URI1: variants seen among roughly 807,000 people sequenced by gnomAD.
The protein encoded by URI1 is unconventional prefoldin RPB5 interactor 1.
Under a neutral mutation model 60.2 loss-of-function variants are expected in URI1, and 39 were observed. The observed-to-expected ratio is 0.65, with a 90% CI of 0.50 to 0.85. The LOEUF is 0.85. Ranked by LOEUF, URI1 falls within the 40% of genes least tolerant of loss-of-function variation. The pLI is 0.00. For synonymous variants in URI1, 251 were observed against 236.8 expected (o/e 1.06, Z -0.55); for missense variants, 691 against 665.9 (o/e 1.04, Z -0.42).
At chr19:29,965,500 A>G (rs765758327) in intron 1 of URI1, among the ~76,000 whole-genome samples, 4 of 152,236 alleles carry the variant, frequency 2.6e-5, no homozygotes, top group Non-Finnish European at 4.4e-5. Context: ...TGGCATATTC[A>G]TTGTTGACAA....
chr19:30,003,389 G>T (rs1298585164), intron 4 of URI1, among the ~76,000 whole-genome samples: 1 of 151,942 alleles, frequency 6.6e-6, no homozygotes, highest in East Asian at 1.9e-4. Context: ...TGACGGTGTT[G>T]GTGCTTATCA....
intron 3 of URI1, among the ~76,000 whole-genome samples, chr19:29,985,757 G>C (rs1441817602): frequency 6.6e-6 from 1 of 152,096 alleles, no homozygotes; most frequent in Admixed American, 6.5e-5. Flanking sequence ...CCCTGGATTA[G>C]AGCCTTTCAT....
rs140356183 is a variant in URI1, at chr19:29,977,706, C to T, written c.152+6479C>T. On this transcript the variant is annotated intron_variant, in intron 2 of 10. Coordinates refer to ENST00000392271, the MANE Select transcript of URI1 (RefSeq NM_003796.3). ...AAGAATCATATATGTCAAATCTTGT[C>T]ATTAAGTTTCTGCACAGTTTTAAAA... Among the ~76,000 whole-genome samples, 572 of 151,578 alleles carry T rather than the reference C, an allele frequency of 3.8e-3. 3 individuals are homozygous for T. The highest frequency in any genetic ancestry group is 0.013 in the African/African-American group (556 of 41,398).
At chr19:29,994,690 G>A (rs976063631) in intron 4 of URI1, among the ~76,000 whole-genome samples, 8 of 151,942 alleles carry the variant, frequency 5.3e-5, no homozygotes, top group Non-Finnish European at 1.0e-4. Context: ...TATGAATATA[G>A]GTATACAAAT....
intron 4 of URI1, among the ~76,000 whole-genome samples, chr19:29,988,706 T>C (rs2055704896): frequency 6.6e-6 from 1 of 152,238 alleles, no homozygotes; most frequent in South Asian, 2.1e-4. Context: ...ATTTGGGTGC[T>C]TCCATTTTTT....
rs181041456 is a variant in URI1 at position 29,945,200 on chromosome 19, A to G, written c.117+2536A>G. Among the ~76,000 whole-genome samples the G allele has an allele frequency of 1.4e-3, 218 of 152,358 alleles. 1 individual carries two copies. The highest frequency in any genetic ancestry group is 5.0e-3 in the African/African-American group (209 of 41,588). Reference sequence around the variant, plus strand: ...TACCTACCTAGTTGGCTGTAGATGCAGAGAGAGAAATGAGTTCCTTACACA... The same window carrying G: ...TACCTACCTAGTTGGCTGTAGATGCGGAGAGAGAAATGAGTTCCTTACACA... On this transcript the variant is annotated intron_variant, in intron 1 of 10. Transcript: ENST00000392271.
At chr19:29,933,568 C>T (rs548342512) in intron 1 of URI1, among the ~76,000 whole-genome samples, 76 of 152,150 alleles carry the variant, frequency 5.0e-4, no homozygotes, top group Admixed American at 1.4e-3. Context: ...CTCCTGTAAT[C>T]CTAGCACTTT....
chr19:29,972,977 G>C (rs1006921539), intron 2 of URI1, among the ~76,000 whole-genome samples: 3 of 151,988 alleles, frequency 2.0e-5, no homozygotes, highest in African/African-American at 7.2e-5. Context: ...TTTCTGGTTT[G>C]GTTCAGGAAA....
intron 2 of URI1, among the ~76,000 whole-genome samples, chr19:29,984,504 C>A (rs1003353527): frequency 1.3e-5 from 2 of 152,088 alleles, no homozygotes; most frequent in African/African-American, 4.8e-5. Context: ...TTTACTGTCT[C>A]CCTTAATTTT....
chr19:30,014,909 A>G lies in URI1; in HGVS notation c.1448A>G (p.Glu483Gly), dbSNP rs1456066999. The change falls in exon 11 of 11, where the codon GAA (glutamate) becomes GGA (glycine). Residue 483 changes from glutamate to glycine, a missense_variant. Coordinates refer to ENST00000392271, the MANE Select transcript of URI1 (RefSeq NM_003796.3). ...TPEAFSGTVI[E>G]KEFVSPSLTP... is the part of the protein sequence containing the mutation. ...TAGGCTTTTTCTGGAACTGTTATAG[A>G]AAAAGAATTTGTATCACCTTCCTTA... 11 of 1,612,624 alleles carry G rather than the reference A, an allele frequency of 6.8e-6. No homozygotes were observed. The highest frequency in any genetic ancestry group is 9.3e-6 in the Non-Finnish European group (11 of 1,179,062).
At chr19:29,941,973 T>TA (rs1191698041), upstream of URI1, among the ~76,000 whole-genome samples, 1 of 150,378 alleles carries the variant, frequency 6.6e-6, no homozygotes, top group East Asian at 1.9e-4. Flanking sequence ...GGAGCTTCTA[T>TA]AGAATGTAAG....
At chr19:29,946,953 A>T (rs562222621) in intron 1 of URI1, among the ~76,000 whole-genome samples, 1 of 152,188 alleles carries the variant, frequency 6.6e-6, no homozygotes, top group Non-Finnish European at 1.5e-5. Context: ...AGGTAAGGCT[A>T]AGTAGAAAAA....
At chr19:29,963,617 T>C (rs1234606366) in intron 1 of URI1, among the ~76,000 whole-genome samples, 1 of 152,210 alleles carries the variant, frequency 6.6e-6, no homozygotes, top group East Asian at 1.9e-4. Flanking sequence ...GGTCATATGA[T>C]CCTGTTTCTT....
upstream of URI1, among the ~76,000 whole-genome samples, chr19:29,938,416 C>T (rs934105163): frequency 2.0e-5 from 3 of 152,154 alleles, no homozygotes; most frequent in Non-Finnish European, 4.4e-5. Context: ...GAGCAGCAAA[C>T]CATTCATGAG....
At position 29,970,186 on chromosome 19, in the gene URI1, T is replaced by C. The variant is rs147325427; in HGVS notation, c.118-1007T>C. Among the ~76,000 whole-genome samples, 536 of 136,028 alleles carry C rather than the reference T, an allele frequency of 3.9e-3. 4 individuals carry two copies. The highest frequency in any genetic ancestry group is 0.013 in the African/African-American group (471 of 36,448). 89.2% of individuals were successfully genotyped at this position (136,028 alleles called of 152,430 possible). ...GGACGGGATGGTGAAACATTGAGCA[T>C]ATACAAGAGACAATATTGGTATTTA... On this transcript the variant is annotated intron_variant, in intron 1 of 10. Coordinates refer to ENST00000392271, the MANE Select transcript of URI1 (RefSeq NM_003796.3).
chr19:29,997,941 T>A (rs899224596), intron 4 of URI1, among the ~76,000 whole-genome samples: 2 of 152,096 alleles, frequency 1.3e-5, no homozygotes, highest in South Asian at 2.1e-4. Context: ...ATTTTTGTAT[T>A]TTTAGTAGAG....
chr19:29,956,457 A>G, intron 1 of URI1: 1 of 1,588,982 alleles, frequency 6.3e-7, no homozygotes, highest in Non-Finnish European at 8.5e-7. Context: ...AGACATAGAT[A>G]CCATCCAAAA....
At chr19:30,004,596 C>G (rs1386478173) in intron 4 of URI1, 1 of 151,848 alleles carries the variant, frequency 6.6e-6, no homozygotes, top group East Asian at 1.9e-4. Context: ...CAGCGCTTGG[C>G]CATAAAAATT....
Position 29,942,589 on chromosome 19 carries a change from C to T in URI1, c.42C>T (p.Pro14=). ...TGGAGACGCCCCCCGACCCCTCGCC[C>T]CCTTCGGCCCCGGCCCCTGCCCTGG... is the stretch of plus-strand genomic sequence containing the variant. The part of the protein sequence containing the change: ...PTVETPPDPS[P]PSAPAPALVP... Residue 14 remains proline, a synonymous_variant, in exon 1 of 11, where the codon CCC becomes CCT. Transcript: ENST00000392271. 1.4e-6 allele frequency: 2 copies of T among 1,431,392 alleles called. No individual in the cohort carries two copies. The highest frequency in any genetic ancestry group is 1.5e-5 in the African/African-American group (1 of 67,134). The allele number at this position is 1,431,392 out of a possible 1,614,324, so 88.7% of individuals were successfully genotyped here.
Sources: allele counts gnomAD v4.1 joint callset (sites outside exome capture counted in the v4.1 genomes callset), GRCh38; gene constraint gnomAD v4.1.1; transcripts MANE v1.5; gene names NCBI Gene and HGNC (gene_info 2026-07-23, HGNC 2026-07-21).